CDH13: variants seen among roughly 807,000 people sequenced by gnomAD.
CDH13 encodes the protein cadherin-13.
In CDH13, 24 loss-of-function variants were observed where a neutral mutation model predicts 63.8. The observed-to-expected ratio is 0.38, with a 90% CI of 0.27 to 0.53. The LOEUF (loss-of-function observed/expected upper bound fraction) is 0.53. Ranked by LOEUF, CDH13 falls within the 20% of genes least tolerant of loss-of-function variation. The pLI, the probability that CDH13 is intolerant of heterozygous loss-of-function variation, is 0.85. For synonymous variants in CDH13, 503 were observed against 355.3 expected (o/e 1.42, Z -4.67); for missense variants, 1,049 against 903.1 (o/e 1.16, Z -2.07).
chr16:83,081,486 A>C (rs532422008), intron 3 of CDH13, among the ~76,000 whole-genome samples: 2 of 152,314 alleles, frequency 1.3e-5, no homozygotes, highest in East Asian at 3.9e-4. Context: ...AGAGTGTACC[A>C]CTTCAGAGAA....
intron 11 of CDH13, among the ~76,000 whole-genome samples, chr16:83,763,451 A>G (rs899128285): frequency 2.0e-4 from 31 of 152,282 alleles, no homozygotes; most frequent in African/African-American, 7.2e-4. Flanking sequence ...TGAAATGACT[A>G]CTGAACTACT....
At chr16:83,259,220 C>A (rs550839659) in intron 5 of CDH13, among the ~76,000 whole-genome samples, 2 of 152,284 alleles carry the variant, frequency 1.3e-5, no homozygotes, top group East Asian at 3.9e-4. Context: ...AGCTGTTTTC[C>A]TCTCTGAGCT....
intron 11 of CDH13, among the ~76,000 whole-genome samples, chr16:83,762,666 T>C (rs1297057942): frequency 6.6e-6 from 1 of 152,192 alleles, no homozygotes; most frequent in African/African-American, 2.4e-5. Context: ...AAGGCATCGT[T>C]GGCCGCTGCT....
At chr16:83,552,257 A>G (rs376243249) in intron 7 of CDH13, among the ~76,000 whole-genome samples, 2 of 152,272 alleles carry the variant, frequency 1.3e-5, no homozygotes, top group South Asian at 2.1e-4. Flanking sequence ...TCTTTGTGCC[A>G]TGGAGAAGAG....
chr16:82,635,270 T>G (rs1305193481), intron 1 of CDH13, among the ~76,000 whole-genome samples: 1 of 152,228 alleles, frequency 6.6e-6, no homozygotes, highest in Non-Finnish European at 1.5e-5. Flanking sequence ...CAGAGGCAGA[T>G]GAAGGATCTG....
chr16:83,077,711 C>T (rs551067484), intron 3 of CDH13, among the ~76,000 whole-genome samples: 1 of 152,054 alleles, frequency 6.6e-6, no homozygotes, highest in Non-Finnish European at 1.5e-5. Flanking sequence ...GTTTTTCTTT[C>T]GCTTGGGTAG....
intron 3 of CDH13, among the ~76,000 whole-genome samples, chr16:83,085,022 C>G (rs893029018): frequency 6.6e-6 from 1 of 152,202 alleles, no homozygotes; most frequent in Non-Finnish European, 1.5e-5. Flanking sequence ...TACTTCATCT[C>G]AGCATCCTTA....
intron 5 of CDH13, among the ~76,000 whole-genome samples, chr16:83,338,783 C>A (rs1348701823): frequency 6.6e-6 from 1 of 152,044 alleles, no homozygotes; most frequent in Non-Finnish European, 1.5e-5. Flanking sequence ...GTTGGAAGAA[C>A]TGAAAAAAGA....
intron 5 of CDH13, among the ~76,000 whole-genome samples, chr16:83,331,265 G>A (rs1203140780): frequency 6.6e-6 from 1 of 152,170 alleles, no homozygotes; most frequent in Non-Finnish European, 1.5e-5. Flanking sequence ...TGATAACAGC[G>A]ATGGCTCCAA....
At chr16:83,598,536 C>T (rs540852176) in intron 7 of CDH13, among the ~76,000 whole-genome samples, 1 of 152,252 alleles carries the variant, frequency 6.6e-6, no homozygotes, top group East Asian at 1.9e-4. Flanking sequence ...AGCTCCTATG[C>T]TTTCTTGCTA....
At chr16:82,853,386 T>C (rs2039570829) in intron 1 of CDH13, among the ~76,000 whole-genome samples, 1 of 152,252 alleles carries the variant, frequency 6.6e-6, no homozygotes, top group African/African-American at 2.4e-5. Flanking sequence ...GAATCATGAA[T>C]ATGGATTTAA....
At chr16:83,058,233 C>G (rs1023289190) in intron 3 of CDH13, among the ~76,000 whole-genome samples, 5 of 152,112 alleles carry the variant, frequency 3.3e-5, no homozygotes, top group East Asian at 1.9e-4. Flanking sequence ...CTCTCAGAAG[C>G]TTTTTCTATT....
At chr16:82,857,475 C>G (rs150909402) in intron 1 of CDH13, among the ~76,000 whole-genome samples, 13 of 152,196 alleles carry the variant, frequency 8.5e-5, no homozygotes, top group African/African-American at 2.6e-4. Flanking sequence ...CGTACTAAAC[C>G]TTAAGACCAT....
intron 2 of CDH13, among the ~76,000 whole-genome samples, chr16:82,869,630 A>G (rs977896437): frequency 2.7e-4 from 41 of 152,204 alleles, no homozygotes; most frequent in African/African-American, 7.7e-4. Context: ...TGGCATAAAA[A>G]CAGATGCATA....
chr16:82,670,647 A>G (rs1049838611), intron 1 of CDH13, among the ~76,000 whole-genome samples: 1 of 152,202 alleles, frequency 6.6e-6, no homozygotes, highest in Non-Finnish European at 1.5e-5. Context: ...AGGCATTTGC[A>G]ATGTTCAGAG....
chr16:83,213,586 G>A (rs551606150), intron 4 of CDH13, among the ~76,000 whole-genome samples: 1 of 152,318 alleles, frequency 6.6e-6, no homozygotes, highest in African/African-American at 2.4e-5. Flanking sequence ...TTCTTGGGAA[G>A]CATGATTGCT....
intron 5 of CDH13, among the ~76,000 whole-genome samples, chr16:83,302,793 A>G (rs1264797110): frequency 6.6e-6 from 1 of 152,354 alleles, no homozygotes; most frequent in East Asian, 1.9e-4. Context: ...AAGAGTGGGA[A>G]TGTCAGAGCA....
chr16:83,260,499 G>T (rs1368294799), intron 5 of CDH13, among the ~76,000 whole-genome samples: 1 of 152,168 alleles, frequency 6.6e-6, no homozygotes, highest in African/African-American at 2.4e-5. Context: ...CAGGACACTT[G>T]ATTGCTTTTT....
chr16:83,199,731 C>T (rs537673819), intron 4 of CDH13, among the ~76,000 whole-genome samples: 125 of 152,218 alleles, frequency 8.2e-4, no homozygotes, highest in African/African-American at 3.0e-3. Flanking sequence ...TATGTGCCTG[C>T]CACGGTACAA....
Sources: gnomAD v4.1 joint callset for allele counts (sites outside exome capture counted in the v4.1 genomes callset) on GRCh38, gnomAD v4.1.1 for gene constraint, MANE v1.5 for transcripts, NCBI Gene and HGNC (gene_info 2026-07-23, HGNC 2026-07-21) for gene names.